Variants in MRPL3 observed in about 807,000 individuals in gnomAD.
The protein encoded by MRPL3 is large ribosomal subunit protein uL3m.
Under a neutral mutation model 44.3 loss-of-function variants are expected in MRPL3, and 43 were observed. The ratio of observed to expected loss-of-function variants is 0.97; its 90% CI spans 0.76 to 1.25. The LOEUF is 1.25. Among genes scored for constraint, MRPL3 ranks in the 50% most tolerant of loss-of-function variants. The pLI, the probability that MRPL3 is intolerant of heterozygous loss-of-function variation, is 0.00. For missense variants in MRPL3, 406 were observed against 427.6 expected (o/e 0.95, Z 0.45); for synonymous variants, 171 against 152.3 (o/e 1.12, Z -0.91).
chr3:131,466,972 C>T (rs74919605), intron 9 of MRPL3, among the ~76,000 whole-genome samples: 2,657 of 152,034 alleles, frequency 0.017, 71 homozygotes, highest in African/African-American at 0.06. Flanking sequence ...GCTTGTAGAC[C>T]ACCTCCGCCA....
intron 5 of MRPL3, among the ~76,000 whole-genome samples, chr3:131,488,264 T>C (rs1159745469): frequency 2.6e-5 from 4 of 152,120 alleles, no homozygotes; most frequent in Non-Finnish European, 5.9e-5. Flanking sequence ...CAATAAACTA[T>C]AGTTCTCCAG....
chr3:131,501,855 G>A lies in MRPL3; in HGVS notation c.93-140C>T, dbSNP rs556540475. ...TGGATTCTGTATACCTTTTTTTCAG[G>A]TCTCCAACCTTTTCCTCACTCCCCA... On this transcript the variant is annotated intron_variant, in intron 1 of 9. Transcript: ENST00000264995. 30 of 1,554,048 alleles carry A rather than the reference G, an allele frequency of 1.9e-5. 1 individual carries two copies. The African/African-American group carries it at 2.2e-4, about 11-fold the overall frequency.
chr3:131,475,436 G>A (rs1933834079), intron 6 of MRPL3, among the ~76,000 whole-genome samples: 2 of 152,100 alleles, frequency 1.3e-5, no homozygotes, highest in Admixed American at 1.3e-4. Context: ...GAGGTGGGAG[G>A]GCTGCTTGAG....
At chr3:131,500,581 G>A in intron 2 of MRPL3, 60 bp from the exon 3 acceptor site, 3 of 1,419,862 alleles carry the variant, frequency 2.1e-6, no homozygotes, top group Non-Finnish European at 3.0e-6. Context: ...CCAACATTAT[G>A]AAATCGTTTT....
chr3:131,462,758 A>C lies in MRPL3; in HGVS notation c.1012T>G (p.Cys338Gly). Residue 338 changes from cysteine (C) to glycine (G), a missense_variant, in exon 10 of 10, where the codon TGT becomes GGT. Coordinates refer to ENST00000264995, the MANE Select transcript of MRPL3 (RefSeq NM_007208.4). ...LPEDLYDENV[C>G]QPGAPSITFA ...GTAATAGAAGGCGCACCGGGCTGAC[A>C]CACGTTTTCATCATACAAATCTTCT... is the stretch of plus-strand genomic sequence containing the variant. 6.2e-7 allele frequency: 1 copy of C among 1,612,766 alleles called. No homozygotes were observed. Among genetic ancestry groups the C allele is most frequent in the Non-Finnish European group, 8.5e-7 (1 of 1,179,226 alleles).
At position 131,470,127 on chromosome 3, in the gene MRPL3, C is replaced by T. The variant is rs139859655; in HGVS notation, c.739-354G>A. 1.4e-3 allele frequency among the ~76,000 whole-genome samples: 219 copies of T among 152,260 alleles called. 1 individual carries two copies. Among genetic ancestry groups the T allele is most frequent in the African/African-American group, 4.9e-3 (203 of 41,548 alleles). ...AATGGACTGCCAGGCCTGTTTTGAA[C>T]TCATCTTCTGTATTAACTGACTTAA... On this transcript the variant is annotated intron_variant, in intron 7 of 9. Coordinates refer to ENST00000264995, the MANE Select transcript of MRPL3 (RefSeq NM_007208.4).
chr3:131,465,887 CTCTCTTTTTT>C lies in MRPL3; in HGVS notation c.894+2194_894+2203del, dbSNP rs1211909568. On this transcript the variant is annotated intron_variant, in intron 9 of 9. Coordinates refer to ENST00000264995, the MANE Select transcript of MRPL3 (RefSeq NM_007208.4). Reference sequence around the variant, plus strand: ...ATTCATCAAATACATTTTTCTTTTTCTCTCTTTTTTTTTTTTTTTTGTTTTTTTAAGCAAG... The same window carrying C: ...ATTCATCAAATACATTTTTCTTTTTCTTTTTTTTTTGTTTTTTTAAGCAAG... 8.8e-4 allele frequency among the ~76,000 whole-genome samples: 108 copies of C among 122,196 alleles called. 1 individual carries two copies. The highest frequency in any genetic ancestry group is 3.7e-3 in the African/African-American group (105 of 28,358). 80.2% of individuals were successfully genotyped at this position (122,196 alleles called of 152,430 possible).
chr3:131,473,778 A>G (rs1294431951), intron 6 of MRPL3, among the ~76,000 whole-genome samples: 1 of 152,170 alleles, frequency 6.6e-6, no homozygotes, highest in Non-Finnish European at 1.5e-5. Context: ...TCTCAAAAAG[A>G]GACAAAGAAA....
chr3:131,485,443 A>T (rs1289741316), intron 6 of MRPL3, among the ~76,000 whole-genome samples: 1 of 152,230 alleles, frequency 6.6e-6, no homozygotes, highest in Non-Finnish European at 1.5e-5. Context: ...CAAAATTACT[A>T]TGTGGCATTT....
At chr3:131,495,786 GTACT>G (rs767891191) in intron 4 of MRPL3, among the ~76,000 whole-genome samples, 3 of 152,078 alleles carry the variant, frequency 2.0e-5, no homozygotes, top group Non-Finnish European at 4.4e-5. Context: ...GAGCTCCCAT[GTACT>G]TTTTTTCTCC....
intron 2 of MRPL3, among the ~76,000 whole-genome samples, chr3:131,501,015 G>T (rs1260975732): frequency 6.6e-6 from 1 of 152,150 alleles, no homozygotes; most frequent in Non-Finnish European, 1.5e-5. Flanking sequence ...AAGAAGTTTT[G>T]GTAACTATCC....
At chr3:131,477,142 T>C (rs1187151659) in intron 6 of MRPL3, among the ~76,000 whole-genome samples, 2 of 152,314 alleles carry the variant, frequency 1.3e-5, no homozygotes, top group Middle Eastern at 3.4e-3. Context: ...ATGTATTTCT[T>C]TACTTTGTGA....
At position 131,462,711 on chromosome 3, in the gene MRPL3, C is replaced by T. The variant is rs549574374; in HGVS notation, c.*12G>A. On this transcript the variant is annotated 3_prime_UTR_variant, in exon 10 of 10. Transcript: ENST00000264995. ...TCACAGAATATGTAAGGTTCTGCCA[C>T]GTCCAAAGATGTTAGGCAAATGTAA... 1.3e-5 allele frequency: 21 copies of T among 1,607,452 alleles called. No homozygotes were observed. The East Asian group carries it at 2.7e-4, about 21-fold the overall frequency.
At chr3:131,480,278 T>C (rs1181026280) in intron 6 of MRPL3, among the ~76,000 whole-genome samples, 2 of 152,198 alleles carry the variant, frequency 1.3e-5, no homozygotes, top group African/African-American at 4.8e-5. Context: ...CAATTCAGTG[T>C]TGCTGTCTAA....
At chr3:131,497,073 T>C (rs1259976411) in intron 4 of MRPL3, among the ~76,000 whole-genome samples, 2 of 152,238 alleles carry the variant, frequency 1.3e-5, no homozygotes, top group Non-Finnish European at 2.9e-5. Flanking sequence ...GGATTTTCCC[T>C]GGCAGAATTG....
At chr3:131,480,824 A>G (rs188655432) in intron 6 of MRPL3, among the ~76,000 whole-genome samples, 6 of 152,352 alleles carry the variant, frequency 3.9e-5, no homozygotes, top group Admixed American at 2.6e-4. Flanking sequence ...TTATTTCTTT[A>G]GTATAGATAA....
intron 4 of MRPL3, among the ~76,000 whole-genome samples, chr3:131,497,775 T>C (rs1332749956): frequency 6.6e-6 from 1 of 152,184 alleles, no homozygotes; most frequent in Admixed American, 6.5e-5. Context: ...TTAAGACAAT[T>C]TTCCATAGGA....
At chr3:131,489,678 G>A (rs1377087834) in intron 5 of MRPL3, among the ~76,000 whole-genome samples, 1 of 152,032 alleles carries the variant, frequency 6.6e-6, no homozygotes, top group Non-Finnish European at 1.5e-5. Context: ...ATGAATGCCA[G>A]CCTGTGAACA....
intron 9 of MRPL3, among the ~76,000 whole-genome samples, chr3:131,466,696 G>T (rs1373163381): frequency 6.7e-6 from 1 of 149,240 alleles, no homozygotes; most frequent in Non-Finnish European, 1.5e-5. Context: ...TTTTTGGGGG[G>T]GGGTGGGGGC....
Sources: allele counts gnomAD v4.1 joint callset (sites outside exome capture counted in the v4.1 genomes callset), GRCh38; gene constraint gnomAD v4.1.1; transcripts MANE v1.5; gene names NCBI Gene and HGNC (gene_info 2026-07-23, HGNC 2026-07-21).